RTF1: variants seen among roughly 807,000 people sequenced by gnomAD.
The protein encoded by RTF1 is RNA polymerase-associated protein RTF1 homolog.
RTF1 carries 10 observed loss-of-function variants against 95.7 expected under a neutral mutation model. The ratio of observed to expected loss-of-function variants is 0.10; its 90% CI spans 0.06 to 0.18. The LOEUF (loss-of-function observed/expected upper bound fraction) is 0.18. RTF1 is among the 10% of genes least tolerant of loss of function. The pLI, the probability that RTF1 is intolerant of heterozygous loss-of-function variation, is 1.00. For synonymous variants in RTF1, 305 were observed against 311.8 expected (o/e 0.98, Z 0.23); for missense variants, 458 against 875.6 (o/e 0.52, Z 6.02).
At chr15:41,417,394 G>A (rs372439647) in intron 1 of RTF1, 81 bp downstream of exon 1, 9 of 1,178,524 alleles carry the variant, frequency 7.6e-6, no homozygotes, top group Non-Finnish European at 9.7e-6. Context: ...GCCGGGCCTG[G>A]AGCCTTCCTA....
chr15:41,470,136 A>G, intron 6 of RTF1, 121 bp from the exon 7 acceptor site: 2 of 1,038,708 alleles, frequency 1.9e-6, no homozygotes, highest in Admixed American at 2.2e-5. Context: ...AGTTAGCACA[A>G]TCCAGTCTAG....
chr15:41,421,218 A>G (rs910796644), intron 1 of RTF1, among the ~76,000 whole-genome samples: 3 of 152,114 alleles, frequency 2.0e-5, no homozygotes, highest in African/African-American at 7.2e-5. Flanking sequence ...GCACTTTGGG[A>G]GGCCGAGGTG....
chr15:41,437,682 G>C (rs986262290), intron 1 of RTF1, among the ~76,000 whole-genome samples: 1 of 152,100 alleles, frequency 6.6e-6, no homozygotes, highest in Non-Finnish European at 1.5e-5. Context: ...TGTAGTCATG[G>C]CTTACTTACT....
In RTF1 at chr15:41,455,878, T is replaced by C. The variant is rs539785678; in HGVS notation, c.458-1794T>C. Among the ~76,000 whole-genome samples the C allele has an allele frequency of 2.6e-5, 4 of 151,402 alleles. No homozygotes were observed. In the South Asian group the frequency reaches 8.3e-4, roughly 32 times the overall value. On this transcript the variant is annotated intron_variant, in intron 3 of 17. Coordinates refer to ENST00000389629, the MANE Select transcript of RTF1 (RefSeq NM_015138.5). ...GGTACAGTGTACACTGCTTGGGTGA[T>C]AGATACACCAAAATCTCAGAAATCA...
At chr15:41,432,962 G>A (rs566963115) in intron 1 of RTF1, among the ~76,000 whole-genome samples, 4 of 151,132 alleles carry the variant, frequency 2.6e-5, no homozygotes, top group South Asian at 4.2e-4. Context: ...AAACAAACAG[G>A]CATACTGAGG....
intron 1 of RTF1, among the ~76,000 whole-genome samples, chr15:41,428,485 G>T (rs1160677867): frequency 1.3e-5 from 2 of 150,636 alleles, no homozygotes; most frequent in African/African-American, 4.9e-5. Flanking sequence ...AGCCAGGATG[G>T]TCTCGATCTC....
chr15:41,456,194 A>G (rs2050814784), intron 3 of RTF1, among the ~76,000 whole-genome samples: 1 of 151,196 alleles, frequency 6.6e-6, no homozygotes, highest in African/African-American at 2.4e-5. Context: ...CCATCTCAAA[A>G]AAAAAAAAAA....
intron 1 of RTF1, among the ~76,000 whole-genome samples, chr15:41,433,648 C>T (rs923213046): frequency 1.3e-5 from 2 of 151,970 alleles, no homozygotes; most frequent in Non-Finnish European, 2.9e-5. Flanking sequence ...TATAAATTTA[C>T]ATTAAAGTAA....
At chr15:41,449,357 A>G (rs1676487682) in intron 2 of RTF1, among the ~76,000 whole-genome samples, 3 of 151,474 alleles carry the variant, frequency 2.0e-5, no homozygotes, top group African/African-American at 7.3e-5. Context: ...CAGCCTCCCA[A>G]GTAGCTGGGA....
intron 1 of RTF1, among the ~76,000 whole-genome samples, chr15:41,418,083 A>G (rs1258684349): frequency 2.0e-5 from 3 of 152,196 alleles, no homozygotes; most frequent in African/African-American, 7.2e-5. Context: ...GACTGCAGGA[A>G]GCACTGAAAG....
intron 2 of RTF1, among the ~76,000 whole-genome samples, chr15:41,439,689 T>C (rs1002676469): frequency 1.3e-5 from 2 of 152,208 alleles, no homozygotes; most frequent in Non-Finnish European, 2.9e-5. Flanking sequence ...CTCACTCTTA[T>C]CGCCCAGGCC....
At chr15:41,424,925 C>G (rs972069458) in intron 1 of RTF1, among the ~76,000 whole-genome samples, 3 of 152,020 alleles carry the variant, frequency 2.0e-5, no homozygotes, top group Non-Finnish European at 4.4e-5. Flanking sequence ...ATGAGAATCC[C>G]TTGAACCTAG....
At chr15:41,417,615 G>A (rs1039909492) in intron 1 of RTF1, among the ~76,000 whole-genome samples, 1 of 152,216 alleles carries the variant, frequency 6.6e-6, no homozygotes, top group Admixed American at 6.5e-5. Context: ...GGGCCAGATC[G>A]GGGCGGCGGG....
intron 7 of RTF1, 75 bp from the exon 8 acceptor site, chr15:41,471,097 G>T: frequency 7.2e-7 from 1 of 1,395,126 alleles, no homozygotes; most frequent in Non-Finnish European, 9.8e-7. Context: ...AAGTTTTGAG[G>T]AGTTGATATT....
At chr15:41,434,142 G>A (rs2050689993) in intron 1 of RTF1, among the ~76,000 whole-genome samples, 1 of 139,696 alleles carries the variant, frequency 7.2e-6, no homozygotes. Context: ...ACCACGCCTG[G>A]CCTTTTTTTT....
intron 1 of RTF1, among the ~76,000 whole-genome samples, chr15:41,417,841 G>A (rs1200455695): frequency 3.9e-5 from 6 of 152,294 alleles, no homozygotes; most frequent in Middle Eastern, 3.4e-3. Flanking sequence ...TGCCATGCTT[G>A]CCAAGGATGA....
At chr15:41,447,474 G>A (rs761837930) in intron 2 of RTF1, among the ~76,000 whole-genome samples, 2 of 152,110 alleles carry the variant, frequency 1.3e-5, no homozygotes, top group Admixed American at 6.6e-5. Flanking sequence ...CACCTTCCTT[G>A]TTTCACTAGG....
intron 2 of RTF1, among the ~76,000 whole-genome samples, chr15:41,444,338 G>C (rs2050750108): frequency 6.6e-6 from 1 of 151,342 alleles, no homozygotes; most frequent in Non-Finnish European, 1.5e-5. Context: ...CTGTCATCCA[G>C]GCTGGAGTGC....
chr15:41,441,414 T>C (rs911707887), intron 2 of RTF1, among the ~76,000 whole-genome samples: 1 of 152,212 alleles, frequency 6.6e-6, no homozygotes, highest in Non-Finnish European at 1.5e-5. Context: ...TGGTCTCTGG[T>C]ATTCCTTAAG....
Sources: allele counts gnomAD v4.1 joint callset (sites outside exome capture counted in the v4.1 genomes callset), GRCh38; gene constraint gnomAD v4.1.1; transcripts MANE v1.5; gene names NCBI Gene and HGNC (gene_info 2026-07-23, HGNC 2026-07-21).